Variants in SLC25A27 observed in about 807,000 individuals in gnomAD.
SLC25A27 encodes the protein mitochondrial uncoupling protein 4.
SLC25A27 carries 35 observed loss-of-function variants against 49.1 expected under a neutral mutation model. The ratio of observed to expected loss-of-function variants is 0.71; its 90% CI spans 0.54 to 0.95. SLC25A27 has a LOEUF of 0.95. SLC25A27 is among the 40% of genes least tolerant of loss of function. The pLI, the probability that SLC25A27 is intolerant of heterozygous loss-of-function variation, is 0.00. For missense variants in SLC25A27, 339 were observed against 397.1 expected (o/e 0.85, Z 1.24); for synonymous variants, 144 against 136.9 (o/e 1.05, Z -0.36).
chr6:46,656,089 T>C (rs929488246), intron 2 of SLC25A27, 55 bp downstream of exon 2: 16 of 1,433,754 alleles, frequency 1.1e-5, no homozygotes, highest in African/African-American at 1.5e-5. Flanking sequence ...GTTTGTCTCC[T>C]GTGCTTTTCT....
At chr6:46,671,828 A>G (rs767034343) in intron 8 of SLC25A27, among the ~76,000 whole-genome samples, 1 of 152,020 alleles carries the variant, frequency 6.6e-6, no homozygotes, top group Non-Finnish European at 1.5e-5. Flanking sequence ...GACTTGTTTA[A>G]GTAATATAGC....
chr6:46,672,890 G>C (rs902244717), intron 8 of SLC25A27, among the ~76,000 whole-genome samples: 2 of 152,226 alleles, frequency 1.3e-5, no homozygotes, highest in African/African-American at 4.8e-5. Context: ...TCAAGGAATA[G>C]TAGGTATTTG....
chr6:46,668,003 C>G (rs928854413), intron 5 of SLC25A27, among the ~76,000 whole-genome samples: 1 of 152,158 alleles, frequency 6.6e-6, no homozygotes, highest in East Asian at 1.9e-4. Context: ...ATTGTGATGT[C>G]ATTCTCCTAT....
rs1763841019 is a variant in SLC25A27, at chr6:46,677,576, C to T, written c.*1122C>T. 1.3e-5 allele frequency: 2 copies of T among 152,118 alleles called. No homozygotes were observed. The highest frequency in any genetic ancestry group is 1.3e-4 in the Admixed American group (2 of 15,274). 9.4% of individuals were successfully genotyped at this position (152,118 alleles called of 1,614,324 possible). Reference sequence around the variant, plus strand: ...CTGTTTATGGTATACAGTTATGTCTCGAATCTTTGAATCAAATCCATGTTC... The same window carrying T: ...CTGTTTATGGTATACAGTTATGTCTTGAATCTTTGAATCAAATCCATGTTC... On this transcript the variant is annotated 3_prime_UTR_variant, in exon 9 of 9. Transcript: ENST00000371347.
chr6:46,673,502 G>T (rs1363254645), intron 8 of SLC25A27, among the ~76,000 whole-genome samples: 1 of 152,178 alleles, frequency 6.6e-6, no homozygotes, highest in African/African-American at 2.4e-5. Flanking sequence ...GACCATATTT[G>T]GGAAGTCGCA....
intron 5 of SLC25A27, among the ~76,000 whole-genome samples, chr6:46,666,774 A>G (rs2150646658): frequency 6.6e-6 from 1 of 152,154 alleles, no homozygotes; most frequent in South Asian, 2.1e-4. Flanking sequence ...CTTCTTTCAC[A>G]CCATTCTTTC....
At chr6:46,666,116 A>G (rs1312049646) in intron 5 of SLC25A27, among the ~76,000 whole-genome samples, 3 of 152,024 alleles carry the variant, frequency 2.0e-5, no homozygotes, top group African/African-American at 7.3e-5. Flanking sequence ...CCTCTCCTAC[A>G]TAGTTTTCTT....
intron 3 of SLC25A27, among the ~76,000 whole-genome samples, chr6:46,661,430 A>C (rs948394557): frequency 6.6e-6 from 1 of 152,250 alleles, no homozygotes; most frequent in Admixed American, 6.5e-5. Flanking sequence ...AAATACTGTC[A>C]AACTATTAAA....
In SLC25A27 at chr6:46,653,067, G is replaced by A. The variant is rs543523739; in HGVS notation, c.-126G>A. The A allele has an allele frequency of 2.3e-6, 2 of 879,634 alleles. No individual in the cohort carries two copies. The highest frequency in any genetic ancestry group is 3.2e-5 in the South Asian group (2 of 63,290). The allele number at this position is 879,634 out of a possible 1,614,324, so 54.5% of individuals were successfully genotyped here. ...GGGTCCACCCGGCCGAGCCGAACGA[G>A]GGAAATGGTCCTCACCCGGCCACTC... On this transcript the variant is annotated 5_prime_UTR_variant, in exon 1 of 9. Transcript: ENST00000371347.
intron 8 of SLC25A27, among the ~76,000 whole-genome samples, chr6:46,673,356 T>C (rs1157965414): frequency 1.3e-5 from 2 of 152,120 alleles, no homozygotes; most frequent in African/African-American, 4.8e-5. Context: ...CTTGGCCAGG[T>C]GAGTGGTTCA....
intron 3 of SLC25A27, among the ~76,000 whole-genome samples, chr6:46,660,230 C>G (rs9395205): frequency 1.8e-4 from 27 of 147,412 alleles, no homozygotes; most frequent in South Asian, 8.8e-4. Context: ...ACCTCTGTGT[C>G]TGTGTGTGTG....
intron 1 of SLC25A27, chr6:46,653,958 G>A (rs1762871370): frequency 1.3e-6 from 1 of 741,524 alleles, no homozygotes; most frequent in Admixed American, 6.3e-5. Context: ...GGCTGCTGGG[G>A]AGACAGAGAA....
At position 46,653,203 on chromosome 6, in the gene SLC25A27, C is replaced by CGGA. The variant is rs750680826; in HGVS notation, c.22_24dup (p.Glu8dup). 6 of 1,613,196 alleles carry CGGA rather than the reference C, an allele frequency of 3.7e-6. No homozygotes were observed. Among genetic ancestry groups the CGGA allele is most frequent in the South Asian group, 3.3e-5 (3 of 90,994 alleles). ...TTGCGCTACTGCTGAATGTCCGTCC[C>CGGA]GGAGGAGGAGGAGAGGCTTTTGCCG... On this transcript the variant is annotated inframe_insertion, in exon 1 of 9. Coordinates refer to ENST00000371347, the MANE Select transcript of SLC25A27 (RefSeq NM_004277.5).
rs779582453 is a variant in SLC25A27, at chr6:46,670,175, G to A, written c.745G>A (p.Ala249Thr). The change falls in exon 7 of 9, where the codon GCC becomes ACC. Residue 249 changes from alanine (A) to threonine (T), a missense_variant. By Grantham distance (58) the Ala-to-Thr change is moderately conservative (BLOSUM62 0). Transcript: ENST00000371347. ...GLVASILGTP[A>T]DVIKSRIMNQ... Reference sequence around the variant, plus strand: ...GGTAGCTTCTATTCTGGGAACACCAGCCGATGTCATCAAAAGCAGAATAAT... The same window carrying A: ...GGTAGCTTCTATTCTGGGAACACCAACCGATGTCATCAAAAGCAGAATAAT... 9 of 1,612,930 alleles carry A rather than the reference G, an allele frequency of 5.6e-6. No homozygotes were observed. The Admixed American group carries it at 1.5e-4, about 27-fold the overall frequency.
intron 1 of SLC25A27, among the ~76,000 whole-genome samples, chr6:46,655,142 G>T (rs1444634805): frequency 6.6e-6 from 1 of 152,144 alleles, no homozygotes; most frequent in Non-Finnish European, 1.5e-5. Context: ...ATATAATTTA[G>T]TGCTGGAAAA....
rs67622673 is a variant in SLC25A27, at chr6:46,678,030, TTATATATATATATATA to T, written c.*1596_*1611del. The T allele has an allele frequency of 3.1e-4, 31 of 100,666 alleles. No individual in the cohort carries two copies. Among genetic ancestry groups the T allele is most frequent in the African/African-American group, 4.7e-4 (12 of 25,284 alleles). 6.2% of individuals were successfully genotyped at this position (100,666 alleles called of 1,614,324 possible). ...CAATATGTAATTGCGTTGTAAAATA[TTATATATATATATATA>T]TATATATATATATATATATGCTTAA... On this transcript the variant is annotated 3_prime_UTR_variant, in exon 9 of 9. Coordinates refer to ENST00000371347, the MANE Select transcript of SLC25A27 (RefSeq NM_004277.5).
At chr6:46,670,458 C>A in intron 7 of SLC25A27, 1 of 449,842 alleles carries the variant, frequency 2.2e-6, no homozygotes, top group Non-Finnish European at 3.9e-6. Context: ...TTTATTATGA[C>A]TTTATTGTTT....
At chr6:46,653,644 A>C in intron 1 of SLC25A27, 1 of 985,186 alleles carries the variant, frequency 1.0e-6, no homozygotes, top group Non-Finnish European at 1.2e-6. Context: ...TTCCATCCTT[A>C]CTGAGATCAT....
At chr6:46,665,337 A>G (rs1436958923) in intron 5 of SLC25A27, among the ~76,000 whole-genome samples, 1 of 151,892 alleles carries the variant, frequency 6.6e-6, no homozygotes, top group African/African-American at 2.4e-5. Flanking sequence ...ACTCATCCCT[A>G]CCCCTCACTT....
Sources: gnomAD v4.1 joint callset for allele counts (sites outside exome capture counted in the v4.1 genomes callset) on GRCh38, gnomAD v4.1.1 for gene constraint, MANE v1.5 for transcripts, NCBI Gene and HGNC (gene_info 2026-07-23, HGNC 2026-07-21) for gene names.